FSD1L: variants seen among roughly 807,000 people sequenced by gnomAD.
The protein encoded by FSD1L is FSD1-like protein.
In FSD1L, 45 loss-of-function variants were observed where a neutral mutation model predicts 71.6. The ratio of observed to expected loss-of-function variants is 0.63; its 90% CI spans 0.49 to 0.81. The LOEUF (loss-of-function observed/expected upper bound fraction) is 0.81, where lower values mean the gene tolerates loss of function less well. Ranked by LOEUF, FSD1L falls within the 30% of genes least tolerant of loss-of-function variation. The pLI is 0.00. For synonymous variants in FSD1L, 197 were observed against 207.2 expected (o/e 0.95, Z 0.42); for missense variants, 561 against 618.1 (o/e 0.91, Z 0.98).
chr9:105,494,705 G>A (rs1833226681), intron 7 of FSD1L, among the ~76,000 whole-genome samples: 1 of 152,152 alleles, frequency 6.6e-6, no homozygotes, highest in Admixed American at 6.5e-5. Context: ...CTGCTTGTTA[G>A]TTTTCCTTCT....
intron 7 of FSD1L, among the ~76,000 whole-genome samples, chr9:105,505,995 TA>T (rs994991070): frequency 2.6e-5 from 4 of 152,234 alleles, no homozygotes; most frequent in African/African-American, 9.6e-5. Flanking sequence ...GAGAAACATT[TA>T]AAAATCCTTA....
Position 105,508,607 on chromosome 9 carries a change from G to A in FSD1L, c.797-10G>A, listed in dbSNP as rs76589210. 145 of 1,528,116 alleles carry A rather than the reference G, an allele frequency of 9.5e-5. No homozygotes were observed. The highest frequency in any genetic ancestry group is 1.7e-4 in the Middle Eastern group (1 of 5,976). The allele number at this position is 1,528,116 out of a possible 1,614,324, so 94.7% of individuals were successfully genotyped here. ...GTACATGTCTGAAAACCATGTTTTCGTTTCTTCAGGCTTAAAATTTGATTC... is the reference window on the plus strand; with the variant it reads ...GTACATGTCTGAAAACCATGTTTTCATTTCTTCAGGCTTAAAATTTGATTC... On this transcript the variant is annotated splice_polypyrimidine_tract_variant and intron_variant, in intron 8 of 13. Transcript: ENST00000481272.
In FSD1L at chr9:105,546,372, A is replaced by C; in HGVS notation, c.1482A>C (p.Gly494=). The C allele has an allele frequency of 6.5e-7, 1 of 1,546,902 alleles. No homozygotes were observed. Among genetic ancestry groups the C allele is most frequent in the Non-Finnish European group, 8.7e-7 (1 of 1,145,222 alleles). Reference sequence around the variant, plus strand: ...TCTTTTCTTAGGTATGGTGTGGTGGACTTTCTTTGAGTACTGGGATGCAGG... The same window carrying C: ...TCTTTTCTTAGGTATGGTGTGGTGGCCTTTCTTTGAGTACTGGGATGCAGG... The part of the protein sequence containing the change: ...VLPGFMVWCG[G]LSLSTGMQVP... Residue 494 remains glycine, a synonymous_variant, in exon 14 of 14, where the codon GGA becomes GGC. Coordinates refer to ENST00000481272, the MANE Select transcript of FSD1L (RefSeq NM_001145313.3).
At chr9:105,451,372 T>C (rs1447832257) in intron 1 of FSD1L, among the ~76,000 whole-genome samples, 2 of 152,264 alleles carry the variant, frequency 1.3e-5, no homozygotes, top group Non-Finnish European at 2.9e-5. Flanking sequence ...TTGGAAGTTC[T>C]GAGTCATGCA....
At chr9:105,448,277 G>C in intron 1 of FSD1L, 42 bp downstream of exon 1, 1 of 1,514,118 alleles carries the variant, frequency 6.6e-7, no homozygotes, top group Non-Finnish European at 8.9e-7. Context: ...AGACAAGCCG[G>C]GCCGGCACAG....
At chr9:105,516,380 C>T (rs748043257) in intron 10 of FSD1L, among the ~76,000 whole-genome samples, 1 of 152,258 alleles carries the variant, frequency 6.6e-6, no homozygotes, top group East Asian at 1.9e-4. Context: ...CCTTGACCCC[C>T]GTGAATCCTG....
intron 13 of FSD1L, among the ~76,000 whole-genome samples, chr9:105,541,571 T>A (rs193208329): frequency 1.4e-4 from 21 of 152,198 alleles, no homozygotes; most frequent in African/African-American, 4.3e-4. Context: ...CTTGTTAAAA[T>A]TTTTTTTCCT....
Position 105,448,137 on chromosome 9 carries a change from C to A in FSD1L, c.-84C>A. 1 of 1,385,698 alleles carries A rather than the reference C, an allele frequency of 7.2e-7. No individual in the cohort carries two copies. The highest frequency in any genetic ancestry group is 1.0e-6 in the Non-Finnish European group (1 of 1,001,904). The allele number at this position is 1,385,698 out of a possible 1,614,324, so 85.8% of individuals were successfully genotyped here. A position where few individuals can be genotyped will look rare whatever the true frequency, so the allele number is the denominator to read the frequency against. On this transcript the variant is annotated 5_prime_UTR_variant, in exon 1 of 14. Coordinates refer to ENST00000481272, the MANE Select transcript of FSD1L (RefSeq NM_001145313.3). The stretch of plus-strand genomic sequence containing the variant: ...CGGGCTGGGGCAGTGCAGTGAGTAG[C>A]GGTCTTGGGGTGTGCGATCTCGCTG...
chr9:105,523,392 G>A, intron 10 of FSD1L: 1 of 1,603,880 alleles, frequency 6.2e-7, no homozygotes, highest in Middle Eastern at 1.7e-4. Context: ...ATGTTGTAGT[G>A]TGATGGCAGG....
chr9:105,534,443 C>A, intron 10 of FSD1L, 50 bp from the exon 11 acceptor site: 2 of 955,114 alleles, frequency 2.1e-6, no homozygotes, highest in Non-Finnish European at 1.6e-6. Context: ...GTTTATGAAA[C>A]ATTTACAGTA....
intron 10 of FSD1L, among the ~76,000 whole-genome samples, chr9:105,516,904 A>G (rs540625372): frequency 5.8e-4 from 88 of 152,320 alleles, no homozygotes; most frequent in Admixed American, 1.4e-3. Context: ...TTCTAACCTA[A>G]TGCAAGGAAG....
intron 7 of FSD1L, chr9:105,500,782 A>G (rs1833713923): frequency 6.6e-6 from 1 of 152,218 alleles, no homozygotes; most frequent in South Asian, 2.1e-4. Flanking sequence ...AATTTCAATT[A>G]AAATTTAAAT....
At chr9:105,471,471 T>G (rs1831452991) in intron 4 of FSD1L, among the ~76,000 whole-genome samples, 1 of 152,144 alleles carries the variant, frequency 6.6e-6, no homozygotes, top group African/African-American at 2.4e-5. Context: ...AGCATTCATC[T>G]TTAGAGCAGG....
intron 10 of FSD1L, chr9:105,524,260 C>A (rs1008494069): frequency 1.2e-6 from 2 of 1,612,450 alleles, no homozygotes; most frequent in East Asian, 4.5e-5. Flanking sequence ...GCCCACGTAG[C>A]TTGTAACATG....
At chr9:105,475,166 GC>G (rs1259539004) in intron 5 of FSD1L, among the ~76,000 whole-genome samples, 1 of 152,174 alleles carries the variant, frequency 6.6e-6, no homozygotes, top group Non-Finnish European at 1.5e-5. Context: ...TATAGAAAGA[GC>G]TGGGTCAGTG....
At chr9:105,449,967 A>G (rs1032920526) in intron 1 of FSD1L, among the ~76,000 whole-genome samples, 1 of 152,216 alleles carries the variant, frequency 6.6e-6, no homozygotes, top group African/African-American at 2.4e-5. Context: ...ATCTTTGAGA[A>G]TCAACTTCTC....
At chr9:105,529,307 A>G (rs1193937902) in intron 10 of FSD1L, among the ~76,000 whole-genome samples, 1 of 152,220 alleles carries the variant, frequency 6.6e-6, no homozygotes. Context: ...TCCTTCTACT[A>G]TAAAGTCACA....
chr9:105,521,598 A>AT, intron 10 of FSD1L: 23 of 1,613,448 alleles, frequency 1.4e-5, no homozygotes, highest in Non-Finnish European at 1.9e-5. Context: ...ACCTTTGTTC[A>AT]TGCAAGAGCC....
intron 13 of FSD1L, among the ~76,000 whole-genome samples, chr9:105,545,296 T>G (rs1193513032): frequency 1.4e-5 from 2 of 146,486 alleles, no homozygotes; most frequent in Non-Finnish European, 3.0e-5. Context: ...TTTGCTGAAG[T>G]TGCTTATCAG....
Sources: allele counts gnomAD v4.1 joint callset (sites outside exome capture counted in the v4.1 genomes callset), GRCh38; gene constraint gnomAD v4.1.1; transcripts MANE v1.5; gene names NCBI Gene and HGNC (gene_info 2026-07-23, HGNC 2026-07-21).